NCOR1: variants seen among roughly 807,000 people sequenced by gnomAD.
The protein encoded by NCOR1 is nuclear receptor corepressor 1.
A neutral mutation model predicts 288.1 loss-of-function variants in NCOR1; 63 were observed. The ratio of observed to expected loss-of-function variants is 0.22; its 90% confidence interval spans 0.18 to 0.27. The LOEUF (loss-of-function observed/expected upper bound fraction) is 0.27. Ranked by LOEUF, NCOR1 falls within the 10% of genes least tolerant of loss-of-function variation. The pLI is 1.00. For missense variants in NCOR1, 2,397 were observed against 3,019.2 expected (o/e 0.79, Z 4.83); for synonymous variants, 1,007 against 1,065.9 (o/e 0.94, Z 1.08).
At chr17:16,066,491 A>G (rs968036163) in intron 32 of NCOR1, among the ~76,000 whole-genome samples, 1 of 152,218 alleles carries the variant, frequency 6.6e-6, no homozygotes, top group African/African-American at 2.4e-5. Context: ...AAAACAAGCA[A>G]AAGAAACCAC....
At chr17:16,122,633 T>A (rs2073225731) in intron 15 of NCOR1, 1 of 152,264 alleles carries the variant, frequency 6.6e-6, no homozygotes, top group Admixed American at 6.5e-5. Context: ...TCCTTTCTTT[T>A]GGGTTTCTGT....
intron 10 of NCOR1, 116 bp downstream of exon 10, chr17:16,146,260 C>G: frequency 1.1e-6 from 1 of 896,272 alleles, no homozygotes; most frequent in Non-Finnish European, 1.6e-6. Context: ...CTGCCAAATC[C>G]CCCTCTCCGA....
Position 16,098,388 on chromosome 17 carries a change from T to C in NCOR1, c.2799A>G (p.Arg933=), listed in dbSNP as rs770577881. 8.1e-6 allele frequency: 13 copies of C among 1,613,926 alleles called. No homozygotes were observed. Among genetic ancestry groups the C allele is most frequent in the Non-Finnish European group, 1.1e-5 (13 of 1,180,004 alleles). ...TTACCATTGGTGGGATAACAGCAGC[T>C]CGATGCTGAAGCTGTGGCAGATCCA... ...NPLDLPQLQH[R]AAVIPPMVSC... Residue 933 remains arginine, a synonymous_variant, in exon 21 of 46, where the codon CGA becomes CGG. Coordinates refer to ENST00000268712, the MANE Select transcript of NCOR1 (RefSeq NM_006311.4).
Position 16,087,202 on chromosome 17 carries a change from T to A in NCOR1, c.3017-760A>T, listed in dbSNP as rs913494063. The A allele has an allele frequency of 4.6e-6, 6 of 1,304,094 alleles. No homozygotes were observed. In the African/African-American group the frequency reaches 9.1e-5, roughly 20 times the overall value. The allele number at this position is 1,304,094 out of a possible 1,614,324, so 80.8% of individuals were successfully genotyped here. A position where few individuals can be genotyped will look rare whatever the true frequency, so the allele number is the denominator to read the frequency against. ...GGGACACTATAGCGGGCTGCACTCATATCAGGCTGTGGAGCGGCTTTACTG... is the reference window on the plus strand; with the variant it reads ...GGGACACTATAGCGGGCTGCACTCAAATCAGGCTGTGGAGCGGCTTTACTG... On this transcript the variant is annotated intron_variant, in intron 22 of 45. Coordinates refer to ENST00000268712, the MANE Select transcript of NCOR1 (RefSeq NM_006311.4).
At chr17:16,044,778 A>G (rs536280103) in intron 42 of NCOR1, 80 of 1,016,878 alleles carry the variant, frequency 7.9e-5, no homozygotes, top group Middle Eastern at 6.2e-4. Flanking sequence ...GCCCTGGCCA[A>G]TGTCAACATT....
intron 26 of NCOR1, among the ~76,000 whole-genome samples, chr17:16,077,500 GAGGGGAGGA>G (rs2062679394): frequency 2.9e-5 from 1 of 34,472 alleles, no homozygotes; most frequent in Non-Finnish European, 6.0e-5. Context: ...GAGGGGAGGA[GAGGGGAGGA>G]GAGGGGAGGG....
intron 7 of NCOR1, among the ~76,000 whole-genome samples, chr17:16,152,488 C>A (rs1261618690): frequency 1.3e-5 from 2 of 152,070 alleles, no homozygotes; most frequent in Non-Finnish European, 2.9e-5. Flanking sequence ...TGAACTCATC[C>A]TTTTTTATGG....
intron 14 of NCOR1, among the ~76,000 whole-genome samples, chr17:16,131,994 A>G (rs564003077): frequency 6.6e-6 from 1 of 152,208 alleles, no homozygotes. Context: ...TGGGCAGAGC[A>G]CTCTGGGGCT....
chr17:16,144,284 TACTC>T (rs1326327474), intron 10 of NCOR1, among the ~76,000 whole-genome samples: 3 of 152,228 alleles, frequency 2.0e-5, no homozygotes, highest in Non-Finnish European at 2.9e-5. Flanking sequence ...GGTCTGTTCT[TACTC>T]ACTGTCATGT....
At chr17:16,120,416 A>G (rs1282288657) in intron 16 of NCOR1, among the ~76,000 whole-genome samples, 2 of 151,696 alleles carry the variant, frequency 1.3e-5, no homozygotes, top group Non-Finnish European at 2.9e-5. Context: ...TCCTCCTCCT[A>G]TCTAGTTAGT....
rs377235248 is a variant in NCOR1, at chr17:16,062,302, A to C, written c.5222-32T>G. 4 of 1,556,270 alleles carry C rather than the reference A, an allele frequency of 2.6e-6. No homozygotes were observed. The African/African-American group carries it at 5.6e-5, about 22-fold the overall frequency. ...AGGTGAAAAAGAGAAAGAAACAAAG[A>C]CATAAGGAGGAAGCCAGAGACAAAA... On this transcript the variant is annotated intron_variant, in intron 35 of 45. Transcript: ENST00000268712.
At chr17:16,200,106 G>GGAAC (rs1181589633) in intron 1 of NCOR1, among the ~76,000 whole-genome samples, 1 of 151,934 alleles carries the variant, frequency 6.6e-6, no homozygotes, top group African/African-American at 2.4e-5. Context: ...CCTCTCAGCA[G>GGAAC]GAACTCCTGG....
At chr17:16,039,407 GA>G in intron 44 of NCOR1, 25 bp downstream of exon 44, 1 of 1,603,022 alleles carries the variant, frequency 6.2e-7, no homozygotes, top group Non-Finnish European at 8.5e-7. Flanking sequence ...AAAAGCAGCA[GA>G]AAAGCACTAA....
intron 21 of NCOR1, among the ~76,000 whole-genome samples, chr17:16,092,685 ATATATATATATTTT>A (rs1158052347): frequency 3.0e-3 from 41 of 13,826 alleles, no homozygotes; most frequent in African/African-American, 0.012. Flanking sequence ...ATATATATAT[ATATATATATATTTT>A]TTTTTTTTTT....
intron 32 of NCOR1, among the ~76,000 whole-genome samples, chr17:16,066,244 C>G (rs1394684810): frequency 1.3e-5 from 2 of 152,172 alleles, no homozygotes; most frequent in Non-Finnish European, 2.9e-5. Flanking sequence ...AGCTACTCAA[C>G]TCTGTCACTG....
At chr17:16,178,606 T>C (rs1225651577) in intron 3 of NCOR1, among the ~76,000 whole-genome samples, 1 of 148,050 alleles carries the variant, frequency 6.8e-6, no homozygotes, top group Non-Finnish European at 1.5e-5. Context: ...CAATAGAAAA[T>C]AGGAGGCCAA....
At chr17:16,158,955 T>A (rs2080267432) in intron 5 of NCOR1, 82 bp from the exon 6 acceptor site, 2 of 871,858 alleles carry the variant, frequency 2.3e-6, no homozygotes, top group South Asian at 3.5e-5. Flanking sequence ...TAACACAGGC[T>A]ACTAAGCTTT....
chr17:16,211,894 TAATAGA>T (rs978294039), intron 1 of NCOR1, among the ~76,000 whole-genome samples: 3 of 152,212 alleles, frequency 2.0e-5, no homozygotes, highest in African/African-American at 7.2e-5. Context: ...TAAAAAGTGC[TAATAGA>T]AAAAGAAACA....
At chr17:16,210,984 G>A (rs1013644718) in intron 1 of NCOR1, among the ~76,000 whole-genome samples, 2 of 152,046 alleles carry the variant, frequency 1.3e-5, no homozygotes, top group African/African-American at 4.8e-5. Context: ...GCCCACCTCG[G>A]CCTCCCAAAG....
Sources: gnomAD v4.1 joint callset for allele counts (sites outside exome capture counted in the v4.1 genomes callset) on GRCh38, gnomAD v4.1.1 for gene constraint, MANE v1.5 for transcripts, NCBI Gene and HGNC (gene_info 2026-07-23, HGNC 2026-07-21) for gene names.